NDST4: variants seen among roughly 807,000 people sequenced by gnomAD.
NDST4 encodes the protein N-deacetylase and N-sulfotransferase 4, also known as N-heparan sulfate sulfotransferase 4.
In NDST4, 63 loss-of-function variants were observed where a neutral mutation model predicts 100.8. That is an observed-to-expected ratio of 0.62 (90% CI 0.51 to 0.77). The LOEUF (loss-of-function observed/expected upper bound fraction) is 0.77, where lower values mean the gene tolerates loss of function less well. NDST4 is among the 30% of genes least tolerant of loss of function. The pLI, the probability that NDST4 is intolerant of heterozygous loss-of-function variation, is 0.00. For synonymous variants in NDST4, 377 were observed against 361.8 expected, an observed-to-expected ratio of 1.04 and a Z score of -0.48; for missense variants, 943 against 1,018.4, an observed-to-expected ratio of 0.93 and a Z score of 1.01.
intron 8 of NDST4, 103 bp downstream of exon 8, chr4:114,852,621 TA>T (rs1420282440): frequency 1.5e-6 from 1 of 646,150 alleles, no homozygotes; most frequent in African/African-American, 1.9e-5. Flanking sequence ...CATGGATAGC[TA>T]AATATTTCAC....
chr4:114,846,010 A>G lies in NDST4; in HGVS notation c.1941-13T>C. 2 of 1,553,700 alleles carry G rather than the reference A, an allele frequency of 1.3e-6. No homozygotes were observed. Among genetic ancestry groups the G allele is most frequent in the Non-Finnish European group, 1.8e-6 (2 of 1,137,752 alleles). On this transcript the variant is annotated splice_polypyrimidine_tract_variant and intron_variant, in intron 9 of 13. Coordinates refer to ENST00000264363, the MANE Select transcript of NDST4 (RefSeq NM_022569.3). ...AAAGTCCATATACCTGAAGGCAGAG[A>G]AAGACAATTAATTAATCTGAAAATA... is the stretch of plus-strand genomic sequence containing the variant.
intron 2 of NDST4, among the ~76,000 whole-genome samples, chr4:115,020,963 G>A (rs761489710): frequency 3.9e-5 from 6 of 152,050 alleles, no homozygotes; most frequent in Non-Finnish European, 7.4e-5. Context: ...CACTGCTGGT[G>A]TCAATGTAAA....
intron 1 of NDST4, among the ~76,000 whole-genome samples, chr4:115,082,182 A>G (rs1729318863): frequency 6.6e-6 from 1 of 152,162 alleles, no homozygotes; most frequent in African/African-American, 2.4e-5. Context: ...TCACCTAGGT[A>G]GTGGAATAAA....
At chr4:114,979,175 C>T (rs965452474) in intron 2 of NDST4, among the ~76,000 whole-genome samples, 5 of 151,824 alleles carry the variant, frequency 3.3e-5, no homozygotes, top group Non-Finnish European at 5.9e-5. Flanking sequence ...GCTCCCAATG[C>T]CATTTCCCAA....
At chr4:115,019,803 TA>T (rs1336486670) in intron 2 of NDST4, among the ~76,000 whole-genome samples, 1 of 152,010 alleles carries the variant, frequency 6.6e-6, no homozygotes, top group East Asian at 1.9e-4. Flanking sequence ...GAGTTGCAGA[TA>T]AAAGGATAAA....
intron 6 of NDST4, among the ~76,000 whole-genome samples, chr4:114,908,106 C>A (rs188796018): frequency 2.0e-5 from 3 of 152,018 alleles, no homozygotes; most frequent in African/African-American, 7.2e-5. Context: ...GAGGAATGAT[C>A]AAGTGAATAT....
chr4:114,856,284 G>C (rs189172749), intron 7 of NDST4, among the ~76,000 whole-genome samples: 1 of 152,174 alleles, frequency 6.6e-6, no homozygotes, highest in African/African-American at 2.4e-5. Flanking sequence ...GGCTGGTCTG[G>C]AACTACTGGC....
intron 7 of NDST4, among the ~76,000 whole-genome samples, chr4:114,856,035 G>A (rs1217232951): frequency 2.6e-5 from 4 of 151,588 alleles, no homozygotes; most frequent in African/African-American, 7.3e-5. Flanking sequence ...TGGAGAGAGA[G>A]TTGAGATAAG....
intron 6 of NDST4, among the ~76,000 whole-genome samples, chr4:114,920,415 C>T (rs1467969879): frequency 6.6e-6 from 1 of 152,072 alleles, no homozygotes; most frequent in Admixed American, 6.6e-5. Flanking sequence ...CTTTTATTCA[C>T]TTTTGATTTG....
At chr4:114,986,830 A>ATATATATATATT (rs1553959396) in intron 2 of NDST4, among the ~76,000 whole-genome samples, 2 of 91,964 alleles carry the variant, frequency 2.2e-5, no homozygotes, top group South Asian at 7.2e-4. Context: ...ATATATATAT[A>ATATATATATATT]TATTTTAATA....
intron 6 of NDST4, among the ~76,000 whole-genome samples, chr4:114,899,043 G>A (rs1269083993): frequency 6.6e-6 from 1 of 152,010 alleles, no homozygotes; most frequent in African/African-American, 2.4e-5. Context: ...GCTGAGCTAG[G>A]TTTTCTAGTA....
At chr4:114,854,257 T>C (rs1394624799) in intron 7 of NDST4, among the ~76,000 whole-genome samples, 2 of 152,230 alleles carry the variant, frequency 1.3e-5, no homozygotes, top group Admixed American at 6.5e-5. Flanking sequence ...CTTATTTCAC[T>C]TAACGTAATA....
At chr4:114,985,331 C>T (rs1726876167) in intron 2 of NDST4, among the ~76,000 whole-genome samples, 1 of 152,176 alleles carries the variant, frequency 6.6e-6, no homozygotes, top group African/African-American at 2.4e-5. Flanking sequence ...AGCTCACTCT[C>T]TTTGGGCACT....
intron 1 of NDST4, among the ~76,000 whole-genome samples, chr4:115,079,182 T>G (rs1468901378): frequency 6.6e-6 from 1 of 151,960 alleles, no homozygotes; most frequent in African/African-American, 2.4e-5. Flanking sequence ...AAACCCCGTC[T>G]CTACTAAAAA....
chr4:115,040,784 C>T (rs545001604), intron 2 of NDST4, among the ~76,000 whole-genome samples: 2 of 151,958 alleles, frequency 1.3e-5, no homozygotes, highest in South Asian at 2.1e-4. Context: ...CAGCTTCCCA[C>T]CAAAGTTAGA....
chr4:115,063,639 G>A (rs942445075), intron 2 of NDST4, among the ~76,000 whole-genome samples: 1 of 151,320 alleles, frequency 6.6e-6, no homozygotes, highest in African/African-American at 2.4e-5. Flanking sequence ...ATTATAATCT[G>A]AGCCAATTAA....
chr4:115,014,033 A>G (rs990142043), intron 2 of NDST4, among the ~76,000 whole-genome samples: 1 of 152,048 alleles, frequency 6.6e-6, no homozygotes, highest in Non-Finnish European at 1.5e-5. Flanking sequence ...TGGTGACTCA[A>G]ATTGCAGCTG....
At chr4:114,971,011 G>A (rs983160209) in intron 3 of NDST4, among the ~76,000 whole-genome samples, 1 of 151,786 alleles carries the variant, frequency 6.6e-6, no homozygotes, top group South Asian at 2.1e-4. Context: ...AATGTCAAAA[G>A]CACAGGCAAG....
chr4:115,071,949 T>C (rs1729087260), intron 2 of NDST4, among the ~76,000 whole-genome samples: 1 of 152,074 alleles, frequency 6.6e-6, no homozygotes, highest in African/African-American at 2.4e-5. Flanking sequence ...TATTTATTCA[T>C]TAATAGGTCT....
Sources: gnomAD v4.1 joint callset for allele counts (sites outside exome capture counted in the v4.1 genomes callset) on GRCh38, gnomAD v4.1.1 for gene constraint, MANE v1.5 for transcripts, NCBI Gene and HGNC (gene_info 2026-07-23, HGNC 2026-07-21) for gene names.